Variants in GNA14 observed in about 807,000 individuals in gnomAD.
GNA14 encodes the protein guanine nucleotide-binding protein subunit alpha-14.
In GNA14, 50 loss-of-function variants were observed where a neutral mutation model predicts 42.0. The observed-to-expected ratio is 1.19, with a 90% confidence interval of 0.95 to 1.51. The LOEUF (loss-of-function observed/expected upper bound fraction) is 1.51, where lower values mean the gene tolerates loss of function less well. Among genes scored for constraint, GNA14 ranks in the 40% most tolerant of loss-of-function variants. The probability of loss-of-function intolerance (pLI) is 0.00; values close to 1 mark genes in which losing one functional copy is unlikely to be tolerated. For synonymous variants in GNA14, 173 were observed against 163.1 expected, an observed-to-expected ratio of 1.06 and a Z score of -0.46; for missense variants, 473 against 446.2, an observed-to-expected ratio of 1.06 and a Z score of -0.54.
chr9:77,430,492 A>G (rs944503340), intron 4 of GNA14, among the ~76,000 whole-genome samples: 5 of 152,248 alleles, frequency 3.3e-5, no homozygotes, highest in African/African-American at 1.2e-4. Flanking sequence ...ACAGAGGGCT[A>G]CTATTAAAAT....
At chr9:77,456,321 G>C (rs986958930) in intron 2 of GNA14, 14 of 147,672 alleles carry the variant, frequency 9.5e-5, no homozygotes, top group African/African-American at 2.4e-4. Context: ...ACAGTTGGCT[G>C]CCTGTGCAAC....
At chr9:77,576,380 A>T (rs1035445315) in intron 1 of GNA14, among the ~76,000 whole-genome samples, 2 of 152,190 alleles carry the variant, frequency 1.3e-5, no homozygotes, top group African/African-American at 2.4e-5. Flanking sequence ...AAAACATCTA[A>T]ATTTTTACAT....
intron 2 of GNA14, among the ~76,000 whole-genome samples, chr9:77,503,653 A>ATTT (rs10689125): frequency 0.042 from 5,843 of 140,752 alleles, 276 homozygotes; most frequent in East Asian, 0.21. Context: ...AAATTTCAGG[A>ATTT]TTTTTTTTTT....
chr9:77,463,089 A>G (rs1836143342), intron 2 of GNA14, among the ~76,000 whole-genome samples: 1 of 152,174 alleles, frequency 6.6e-6, no homozygotes, highest in Non-Finnish European at 1.5e-5. Context: ...TCTGATCTTG[A>G]TCCTCTGCTG....
chr9:77,539,535 G>A (rs1184328544), intron 1 of GNA14, among the ~76,000 whole-genome samples: 2 of 152,174 alleles, frequency 1.3e-5, no homozygotes, highest in Admixed American at 6.5e-5. Context: ...ATGAGTTAGG[G>A]AGAGTTCCCT....
intron 2 of GNA14, among the ~76,000 whole-genome samples, chr9:77,482,499 C>A (rs1015743782): frequency 1.2e-4 from 19 of 152,236 alleles, no homozygotes; most frequent in Non-Finnish European, 2.2e-4. Flanking sequence ...TTTTTCCTTC[C>A]TTTCAACTTT....
At chr9:77,454,806 T>A (rs1394736789) in intron 2 of GNA14, among the ~76,000 whole-genome samples, 1 of 152,128 alleles carries the variant, frequency 6.6e-6, no homozygotes, top group Non-Finnish European at 1.5e-5. Flanking sequence ...ACAGTCAGGG[T>A]CAACGAAAAA....
chr9:77,560,974 G>A (rs908640552), intron 1 of GNA14, among the ~76,000 whole-genome samples: 3 of 152,272 alleles, frequency 2.0e-5, no homozygotes, highest in Non-Finnish European at 4.4e-5. Flanking sequence ...TAGCTAAATG[G>A]AAATGTAGAC....
At chr9:77,556,865 A>G (rs1473054645) in intron 1 of GNA14, among the ~76,000 whole-genome samples, 1 of 152,190 alleles carries the variant, frequency 6.6e-6, no homozygotes, top group Admixed American at 6.5e-5. Flanking sequence ...GGGAGGATGC[A>G]CTTTCTTTTT....
At chr9:77,588,517 GA>G (rs1564060650) in intron 1 of GNA14, among the ~76,000 whole-genome samples, 2 of 152,190 alleles carry the variant, frequency 1.3e-5, no homozygotes, top group African/African-American at 4.8e-5. Context: ...AGATGCTTAG[GA>G]AGTGTCTGAC....
chr9:77,506,438 G>T (rs1837071322), intron 2 of GNA14, among the ~76,000 whole-genome samples: 1 of 152,252 alleles, frequency 6.6e-6, no homozygotes, highest in South Asian at 2.1e-4. Flanking sequence ...CAGCACTTTG[G>T]GAGACCGAGG....
chr9:77,514,684 G>A lies in GNA14; in HGVS notation c.309+14385C>T, dbSNP rs193099241. Reference sequence around the variant, plus strand: ...GCTAGAGTGCAGTGGTGCGATCTCGGCTCACTGCAAGCTCCGCCTCCCGGG... The same window carrying A: ...GCTAGAGTGCAGTGGTGCGATCTCGACTCACTGCAAGCTCCGCCTCCCGGG... On this transcript the variant is annotated intron_variant, in intron 2 of 6. Coordinates refer to ENST00000341700, the MANE Select transcript of GNA14 (RefSeq NM_004297.4). Among the ~76,000 whole-genome samples, 658 of 150,234 alleles carry A rather than the reference G, an allele frequency of 4.4e-3. 7 individuals are homozygous for A. Among genetic ancestry groups the A allele is most frequent in the African/African-American group, 0.015 (622 of 40,538 alleles).
chr9:77,615,321 G>T (rs1823793564), intron 1 of GNA14, among the ~76,000 whole-genome samples: 1 of 151,820 alleles, frequency 6.6e-6, no homozygotes, highest in African/African-American at 2.4e-5. Flanking sequence ...AGCCACTAAA[G>T]GTAAACCAAT....
At chr9:77,466,453 G>A (rs1252434504) in intron 2 of GNA14, among the ~76,000 whole-genome samples, 1 of 151,816 alleles carries the variant, frequency 6.6e-6, no homozygotes, top group Non-Finnish European at 1.5e-5. Flanking sequence ...ATTTCCATTT[G>A]GTTCATTTTT....
chr9:77,645,615 A>G (rs956854570), intron 1 of GNA14, among the ~76,000 whole-genome samples: 5 of 152,214 alleles, frequency 3.3e-5, no homozygotes, highest in South Asian at 2.1e-4. Context: ...CTGGGAAGAT[A>G]AAGAAGACCC....
intron 1 of GNA14, among the ~76,000 whole-genome samples, chr9:77,547,356 T>C (rs1046376094): frequency 2.0e-5 from 3 of 152,224 alleles, no homozygotes; most frequent in Non-Finnish European, 2.9e-5. Flanking sequence ...ATTTGATGTA[T>C]CTTCAAAGGC....
intron 1 of GNA14, among the ~76,000 whole-genome samples, chr9:77,553,519 A>G (rs1352403056): frequency 6.6e-6 from 1 of 152,216 alleles, no homozygotes; most frequent in Non-Finnish European, 1.5e-5. Flanking sequence ...CATAAAGGCA[A>G]TTCACAAGAA....
intron 2 of GNA14, among the ~76,000 whole-genome samples, chr9:77,462,350 T>G (rs937566953): frequency 6.6e-6 from 1 of 152,184 alleles, no homozygotes; most frequent in Non-Finnish European, 1.5e-5. Context: ...ACAGGCCCAG[T>G]GGCTCTTGCC....
intron 1 of GNA14, among the ~76,000 whole-genome samples, chr9:77,563,663 T>A (rs1822919215): frequency 6.6e-6 from 1 of 152,188 alleles, no homozygotes; most frequent in Non-Finnish European, 1.5e-5. Context: ...ACTGGGCTGC[T>A]GTTTTTTTAA....
Sources: gnomAD v4.1 joint callset for allele counts (sites outside exome capture counted in the v4.1 genomes callset) on GRCh38, gnomAD v4.1.1 for gene constraint, MANE v1.5 for transcripts, NCBI Gene and HGNC (gene_info 2026-07-23, HGNC 2026-07-21) for gene names.